Variants in MSI2 observed in about 807,000 individuals in gnomAD.
MSI2 encodes RNA-binding protein Musashi homolog 2.
Under a neutral mutation model 45.6 loss-of-function variants are expected in MSI2, and 17 were observed. The ratio of observed to expected loss-of-function variants is 0.37; its 90% CI spans 0.26 to 0.56. MSI2 has a LOEUF of 0.56. MSI2 is among the 20% of genes least tolerant of loss of function. MSI2 has a pLI of 0.77. For synonymous variants in MSI2, 156 were observed against 158.2 expected (o/e 0.99, Z 0.11); for missense variants, 293 against 444.2 (o/e 0.66, Z 3.06).
chr17:57,478,194 A>G (rs1182361604), intron 6 of MSI2, among the ~76,000 whole-genome samples: 1 of 152,188 alleles, frequency 6.6e-6, no homozygotes, highest in African/African-American at 2.4e-5. Context: ...TAGACAGTTC[A>G]TCCAGAGGCC....
intron 7 of MSI2, among the ~76,000 whole-genome samples, chr17:57,578,604 G>A (rs1221932822): frequency 6.6e-6 from 1 of 152,092 alleles, no homozygotes; most frequent in Non-Finnish European, 1.5e-5. Context: ...CAAGGTAGAG[G>A]AGTGACAAAT....
chr17:57,490,378 T>C (rs2143802280), intron 6 of MSI2, among the ~76,000 whole-genome samples: 1 of 152,370 alleles, frequency 6.6e-6, no homozygotes, highest in Middle Eastern at 3.4e-3. Flanking sequence ...GCCAAAAGGC[T>C]TGTTCTTGGC....
At chr17:57,543,798 C>T (rs928762578) in intron 7 of MSI2, among the ~76,000 whole-genome samples, 1 of 152,144 alleles carries the variant, frequency 6.6e-6, no homozygotes, top group Non-Finnish European at 1.5e-5. Context: ...GTATTTTGCC[C>T]ATATGTTTTA....
At chr17:57,376,111 A>G (rs1011013761) in intron 5 of MSI2, among the ~76,000 whole-genome samples, 1 of 152,150 alleles carries the variant, frequency 6.6e-6, no homozygotes, top group Non-Finnish European at 1.5e-5. Context: ...CTGTTACAGG[A>G]TGTCTGAGAT....
chr17:57,658,654 A>C (rs1398294830), intron 11 of MSI2, among the ~76,000 whole-genome samples: 1 of 152,248 alleles, frequency 6.6e-6, no homozygotes, highest in Non-Finnish European at 1.5e-5. Flanking sequence ...ACTAGCCTTG[A>C]AGCCCAGACC....
chr17:57,567,918 A>G (rs983953729), intron 7 of MSI2, among the ~76,000 whole-genome samples: 12 of 152,208 alleles, frequency 7.9e-5, no homozygotes, highest in African/African-American at 2.7e-4. Flanking sequence ...CCTTTACTGA[A>G]TCCTTCCAAT....
intron 6 of MSI2, among the ~76,000 whole-genome samples, chr17:57,506,545 C>T (rs1012511545): frequency 1.5e-4 from 23 of 152,194 alleles, no homozygotes; most frequent in Admixed American, 3.3e-4. Flanking sequence ...TGGGAACGTT[C>T]GCAGTCATCT....
In MSI2 at chr17:57,344,861, G is replaced by A. The variant is rs145146061; in HGVS notation, c.313-56518G>A. ...GGGTGGATTACGAGGTCAGGAGTTC[G>A]AGACCAGCCTGACCAACATGGTGAA... On this transcript the variant is annotated intron_variant, in intron 5 of 13. Transcript: ENST00000284073. Among the ~76,000 whole-genome samples, 469 of 152,186 alleles carry A rather than the reference G, an allele frequency of 3.1e-3. 2 individuals carry two copies. The highest frequency in any genetic ancestry group is 0.011 in the African/African-American group (438 of 41,506).
chr17:57,448,498 C>G (rs2084938949), intron 6 of MSI2: 2 of 152,200 alleles, frequency 1.3e-5, no homozygotes, highest in Non-Finnish European at 2.9e-5. Flanking sequence ...GCCCTCACCC[C>G]CATCAGAGCA....
At chr17:57,561,985 C>G (rs1395073603) in intron 7 of MSI2, among the ~76,000 whole-genome samples, 1 of 152,198 alleles carries the variant, frequency 6.6e-6, no homozygotes, top group African/African-American at 2.4e-5. Context: ...GCTACTTAAC[C>G]TCTCTGACCC....
chr17:57,651,971 C>T (rs1040133435), intron 10 of MSI2, 128 bp from the exon 11 acceptor site: 1 of 812,620 alleles, frequency 1.2e-6, no homozygotes, highest in Non-Finnish European at 2.1e-6. Context: ...AAAAGCTGCC[C>T]TGTGAAAATC....
the MSI2 span, among the ~76,000 whole-genome samples, chr17:57,699,172 A>T: frequency 4.9e-5 from 2 of 40,616 alleles, no homozygotes; most frequent in African/African-American, 2.0e-4. Context: ...AGAGAGAGAG[A>T]GAGAGAGAGA....
chr17:57,347,443 C>T (rs1915698277), intron 5 of MSI2, among the ~76,000 whole-genome samples: 1 of 152,160 alleles, frequency 6.6e-6, no homozygotes, highest in Non-Finnish European at 1.5e-5. Flanking sequence ...ACACATCTAC[C>T]CATCATCCTG....
chr17:57,502,480 A>G (rs2086127856), intron 6 of MSI2, among the ~76,000 whole-genome samples: 1 of 151,620 alleles, frequency 6.6e-6, no homozygotes, highest in Non-Finnish European at 1.5e-5. Flanking sequence ...ATTGAACTAG[A>G]TAACTTTGTG....
rs191209135 is a variant in MSI2 at position 57,472,739 on chromosome 17, G to A, written c.406-56937G>A. On this transcript the variant is annotated intron_variant, in intron 6 of 13. Coordinates refer to ENST00000284073, the MANE Select transcript of MSI2 (RefSeq NM_138962.4). Reference sequence around the variant, plus strand: ...AAACACTCAGCGTGGATCCTGGTACGTCGTAAACACTATGTGGTGGTGGCT... The same window carrying A: ...AAACACTCAGCGTGGATCCTGGTACATCGTAAACACTATGTGGTGGTGGCT... 1.6e-4 allele frequency among the ~76,000 whole-genome samples: 25 copies of A among 152,280 alleles called. No individual in the cohort carries two copies. In the East Asian group the frequency reaches 4.4e-3, roughly 27 times the overall value.
At chr17:57,325,081 A>G (rs111387432) in intron 5 of MSI2, among the ~76,000 whole-genome samples, 5 of 152,246 alleles carry the variant, frequency 3.3e-5, no homozygotes, top group Non-Finnish European at 5.9e-5. Context: ...CTAAGTGCCC[A>G]TCAACTGATG....
intron 5 of MSI2, among the ~76,000 whole-genome samples, chr17:57,337,847 G>T (rs748953648): frequency 2.0e-5 from 3 of 152,064 alleles, no homozygotes; most frequent in Non-Finnish European, 4.4e-5. Flanking sequence ...TATCATTTTT[G>T]TGTGCATACG....
intron 9 of MSI2, among the ~76,000 whole-genome samples, chr17:57,623,248 A>G (rs1384631139): frequency 6.6e-6 from 1 of 152,002 alleles, no homozygotes; most frequent in Non-Finnish European, 1.5e-5. Flanking sequence ...CGCAGCAGAT[A>G]TGTCACACTC....
chr17:57,318,873 T>C (rs1023207262), intron 5 of MSI2, among the ~76,000 whole-genome samples: 2 of 152,204 alleles, frequency 1.3e-5, no homozygotes, highest in African/African-American at 4.8e-5. Context: ...ATAAATTTCC[T>C]AATGTAGGTT....
Sources: allele counts gnomAD v4.1 joint callset (sites outside exome capture counted in the v4.1 genomes callset), GRCh38; gene constraint gnomAD v4.1.1; transcripts MANE v1.5; gene names NCBI Gene and HGNC (gene_info 2026-07-23, HGNC 2026-07-21).